The following RPS6KC1 variants were observed in gnomAD, a reference collection of about 807,000 sequenced individuals.
RPS6KC1 encodes the protein ribosomal protein S6 kinase C1, also known as inactive ribosomal protein S6 kinase delta-1.
RPS6KC1 carries 54 observed loss-of-function variants against 103.8 expected under a neutral mutation model. The ratio of observed to expected loss-of-function variants is 0.52; its 90% confidence interval spans 0.42 to 0.65. RPS6KC1 has a LOEUF of 0.65. Ranked by LOEUF, RPS6KC1 falls within the 30% of genes least tolerant of loss-of-function variation. RPS6KC1 has a pLI of 0.00. For synonymous variants in RPS6KC1, 439 were observed against 438.7 expected (o/e 1.00, Z -0.01); for missense variants, 1,151 against 1,253.8 (o/e 0.92, Z 1.24).
the RPS6KC1 span, among the ~76,000 whole-genome samples, chr1:213,652,024 C>A: frequency 6.6e-6 from 1 of 152,090 alleles, no homozygotes; most frequent in African/African-American, 2.4e-5. Context: ...CATACTTATG[C>A]TAATTAATTG....
In RPS6KC1 at chr1:213,151,594, G is replaced by A. The variant is rs1275432543; in HGVS notation, c.836-16264G>A. ...TCCCGGATGGGGCGGCTGGCCGGGC[G>A]GGGGGCTGACCCCCCCACCTCCATC... On this transcript the variant is annotated intron_variant, in intron 6 of 14. Transcript: ENST00000366960. Among the ~76,000 whole-genome samples the A allele has an allele frequency of 1.4e-4, 13 of 91,564 alleles. 1 individual carries two copies. Among genetic ancestry groups the A allele is most frequent in the African/African-American group, 6.5e-4 (12 of 18,434 alleles). The allele number at this position is 91,564 out of a possible 152,430, so 60.1% of individuals were successfully genotyped here.
the RPS6KC1 span, among the ~76,000 whole-genome samples, chr1:213,314,654 G>A: frequency 1.4e-5 from 2 of 147,174 alleles, no homozygotes; most frequent in Admixed American, 1.3e-4. Context: ...GGACCACGGT[G>A]GCTTTTTTTT....
chr1:213,596,147 G>A, the RPS6KC1 span, among the ~76,000 whole-genome samples: 3 of 151,540 alleles, frequency 2.0e-5, no homozygotes, highest in Non-Finnish European at 2.9e-5. Context: ...GAGGAAGGCA[G>A]TATCACAAAG....
the RPS6KC1 span, among the ~76,000 whole-genome samples, chr1:213,285,185 C>T: frequency 8.5e-5 from 13 of 152,272 alleles, no homozygotes; most frequent in East Asian, 9.6e-4. Context: ...GGGTTGTAGA[C>T]GCCGGCTTGC....
chr1:213,392,461 T>C, the RPS6KC1 span, among the ~76,000 whole-genome samples: 3 of 152,180 alleles, frequency 2.0e-5, no homozygotes, highest in Non-Finnish European at 2.9e-5. Context: ...GTACTGCTTT[T>C]GTCAAGTAAA....
At chr1:213,795,919 G>T in the RPS6KC1 span, among the ~76,000 whole-genome samples, 1 of 152,142 alleles carries the variant, frequency 6.6e-6, no homozygotes, top group African/African-American at 2.4e-5. Context: ...GCTGTCATTG[G>T]CTGGGAGAGC....
chr1:213,112,715 T>C (rs1193754675), intron 4 of RPS6KC1, among the ~76,000 whole-genome samples: 1 of 149,912 alleles, frequency 6.7e-6, no homozygotes, highest in African/African-American at 2.4e-5. Context: ...CCCTCCCCTC[T>C]CCCCCCACCC....
chr1:213,565,123 T>C, the RPS6KC1 span, among the ~76,000 whole-genome samples: 1 of 152,224 alleles, frequency 6.6e-6, no homozygotes, highest in African/African-American at 2.4e-5. Flanking sequence ...ATTTTGTTTT[T>C]AAAAGTGAAT....
At chr1:213,530,466 AC>A in the RPS6KC1 span, among the ~76,000 whole-genome samples, 1 of 152,154 alleles carries the variant, frequency 6.6e-6, no homozygotes, top group Non-Finnish European at 1.5e-5. Context: ...ATGTCACTTA[AC>A]CTTCAAATTC....
chr1:213,330,595 G>A, the RPS6KC1 span, among the ~76,000 whole-genome samples: 12 of 152,276 alleles, frequency 7.9e-5, no homozygotes, highest in Admixed American at 2.6e-4. Context: ...GGGCTCAAGA[G>A]GAGGGAAGTT....
chr1:213,847,289 A>G, the RPS6KC1 span, among the ~76,000 whole-genome samples: 4 of 152,184 alleles, frequency 2.6e-5, no homozygotes, highest in Admixed American at 6.5e-5. Flanking sequence ...AAGGGTCCTT[A>G]ATGGACACAT....
At chr1:213,115,648 G>A (rs1378871932) in intron 4 of RPS6KC1, among the ~76,000 whole-genome samples, 2 of 151,390 alleles carry the variant, frequency 1.3e-5, no homozygotes, top group African/African-American at 2.4e-5. Flanking sequence ...GTGATGTTAG[G>A]GTGTCAATTT....
the RPS6KC1 span, among the ~76,000 whole-genome samples, chr1:213,734,590 T>A: frequency 6.6e-6 from 1 of 152,194 alleles, no homozygotes; most frequent in South Asian, 2.1e-4. Flanking sequence ...ATGACATATC[T>A]TATGCAGCTG....
At chr1:213,829,554 A>T in the RPS6KC1 span, among the ~76,000 whole-genome samples, 1 of 152,194 alleles carries the variant, frequency 6.6e-6, no homozygotes, top group East Asian at 1.9e-4. Flanking sequence ...ATTGTTTTTA[A>T]CTATCAGATT....
the RPS6KC1 span, among the ~76,000 whole-genome samples, chr1:213,557,808 C>G: frequency 3.3e-5 from 5 of 151,640 alleles, no homozygotes; most frequent in African/African-American, 7.3e-5. Context: ...CTGGCTGCCT[C>G]TTCCCACTGC....
chr1:213,106,593 T>C, intron 4 of RPS6KC1, among the ~76,000 whole-genome samples: 1 of 152,220 alleles, frequency 6.6e-6, no homozygotes, highest in East Asian at 1.9e-4. Context: ...TTGGGGTAGC[T>C]AATTCACAGG....
chr1:213,071,007 T>G lies in RPS6KC1; in HGVS notation c.107T>G (p.Val36Gly), dbSNP rs2078818245. 7.1e-6 allele frequency: 11 copies of G among 1,538,584 alleles called. No homozygotes were observed. Among genetic ancestry groups the G allele is most frequent in the Non-Finnish European group, 9.8e-6 (11 of 1,128,016 alleles). The change falls in exon 2 of 15, where the codon GTT becomes GGT. Residue 36 changes from valine (V) to glycine (G), a missense_variant and splice_region_variant. By Grantham distance (109) the Val-to-Gly change is moderately radical. Coordinates refer to ENST00000366960, the MANE Select transcript of RPS6KC1 (RefSeq NM_012424.6). Reference protein sequence around the residue: ...GYTVYKVTARVVSRRNPEDVQ... With the variant: ...GYTVYKVTARGVSRRNPEDVQ... ...ATTTCTATGTATGTTTTGTTTTAGG[T>G]TGTTTCACGAAGAAATCCAGAGGAT...
chr1:213,126,706 G>A (rs1385085001), intron 5 of RPS6KC1, among the ~76,000 whole-genome samples: 1 of 152,094 alleles, frequency 6.6e-6, no homozygotes, highest in Admixed American at 6.6e-5. Context: ...ATGATTTTGT[G>A]GTTTTGTGAT....
the RPS6KC1 span, among the ~76,000 whole-genome samples, chr1:213,806,203 G>T: frequency 1.7e-3 from 259 of 152,244 alleles, no homozygotes; most frequent in Middle Eastern, 3.4e-3. Context: ...GTGGTGGTGG[G>T]CACCTGTAGT....
Sources: gnomAD v4.1 joint callset for allele counts (sites outside exome capture counted in the v4.1 genomes callset) on GRCh38, gnomAD v4.1.1 for gene constraint, MANE v1.5 for transcripts, NCBI Gene and HGNC (gene_info 2026-07-23, HGNC 2026-07-21) for gene names.